Variants in FRMD5 observed in about 807,000 individuals in gnomAD.
FRMD5 encodes the protein FERM domain containing 5.
A neutral mutation model predicts 69.0 loss-of-function variants in FRMD5; 20 were observed. The ratio of observed to expected loss-of-function variants is 0.29; its 90% CI spans 0.20 to 0.42. The LOEUF is 0.42. Ranked by LOEUF, FRMD5 falls within the 10% of genes least tolerant of loss-of-function variation. The pLI, the probability that FRMD5 is intolerant of heterozygous loss-of-function variation, is 1.00. For synonymous variants in FRMD5, 271 were observed against 260.1 expected (o/e 1.04, Z -0.40); for missense variants, 595 against 708.6 (o/e 0.84, Z 1.82).
At chr15:43,965,549 C>T (rs2090279355) in intron 1 of FRMD5, among the ~76,000 whole-genome samples, 1 of 151,604 alleles carries the variant, frequency 6.6e-6, no homozygotes, top group Non-Finnish European at 1.5e-5. Flanking sequence ...CTAAAAGATG[C>T]CATGCAAAAT....
At position 43,872,590 on chromosome 15, in the gene FRMD5, C is replaced by T. The variant is rs1196088185; in HGVS notation, c.*1295G>A. 6.6e-6 allele frequency: 1 copy of T among 152,440 alleles called. No individual in the cohort carries two copies. Among genetic ancestry groups the T allele is most frequent in the Non-Finnish European group, 1.5e-5 (1 of 68,260 alleles). 9.4% of individuals were successfully genotyped at this position (152,440 alleles called of 1,614,324 possible). On this transcript the variant is annotated 3_prime_UTR_variant, in exon 14 of 14. Coordinates refer to ENST00000417257, the MANE Select transcript of FRMD5 (RefSeq NM_032892.5). ...CCCTCTGCAAGGATGGTGATGCTTTCCTAGAACTTATGCAGAGGATGACCC... is the reference window on the plus strand; with the variant it reads ...CCCTCTGCAAGGATGGTGATGCTTTTCTAGAACTTATGCAGAGGATGACCC...
At chr15:43,874,919 G>A (rs934931825) in intron 13 of FRMD5, among the ~76,000 whole-genome samples, 1 of 151,812 alleles carries the variant, frequency 6.6e-6, no homozygotes. Flanking sequence ...AAAGAAAAAG[G>A]CTGGGCGTGG....
chr15:43,948,879 G>T (rs2089985787), intron 1 of FRMD5, among the ~76,000 whole-genome samples: 1 of 152,218 alleles, frequency 6.6e-6, no homozygotes, highest in Non-Finnish European at 1.5e-5. Flanking sequence ...ACCTTGATGG[G>T]TTGCAAATGA....
chr15:44,058,026 A>C (rs1287288612), intron 1 of FRMD5, among the ~76,000 whole-genome samples: 1 of 152,192 alleles, frequency 6.6e-6, no homozygotes, highest in Non-Finnish European at 1.5e-5. Context: ...TTAGCTCTGA[A>C]ACAGGGCCAT....
intron 1 of FRMD5, among the ~76,000 whole-genome samples, chr15:44,016,630 G>A (rs1009624001): frequency 6.6e-6 from 1 of 152,074 alleles, no homozygotes; most frequent in Admixed American, 6.5e-5. Context: ...GGCCAAGGCA[G>A]GAGAATTGCT....
chr15:43,994,296 A>G (rs1889822704), intron 1 of FRMD5, among the ~76,000 whole-genome samples: 1 of 152,204 alleles, frequency 6.6e-6, no homozygotes, highest in Non-Finnish European at 1.5e-5. Flanking sequence ...TCTTATAGTT[A>G]TAACAGGCCA....
chr15:44,013,234 T>C (rs1890804888), intron 1 of FRMD5, among the ~76,000 whole-genome samples: 1 of 152,106 alleles, frequency 6.6e-6, no homozygotes, highest in African/African-American at 2.4e-5. Flanking sequence ...ACAAAAACAT[T>C]TTGAAAAAAT....
intron 1 of FRMD5, among the ~76,000 whole-genome samples, chr15:44,170,626 T>C (rs964995191): frequency 1.3e-5 from 2 of 152,174 alleles, no homozygotes; most frequent in South Asian, 2.1e-4. Flanking sequence ...TATGATCCTA[T>C]AGTCACTCTC....
At chr15:43,982,477 T>C (rs1001324319) in intron 1 of FRMD5, among the ~76,000 whole-genome samples, 1 of 152,200 alleles carries the variant, frequency 6.6e-6, no homozygotes, top group Non-Finnish European at 1.5e-5. Flanking sequence ...GCTATACAGA[T>C]AAAGGCAGTC....
chr15:44,197,995 G>A (rs1224079105), upstream of FRMD5, among the ~76,000 whole-genome samples: 1 of 152,088 alleles, frequency 6.6e-6, no homozygotes, highest in African/African-American at 2.4e-5. Context: ...GTGTTAAGTA[G>A]AATCCTTGCT....
intron 1 of FRMD5, among the ~76,000 whole-genome samples, chr15:44,156,310 ACTG>A (rs1228205933): frequency 6.6e-5 from 10 of 151,892 alleles, no homozygotes; most frequent in Non-Finnish European, 1.0e-4. Flanking sequence ...CGCCCAACCA[ACTG>A]TTGTATTTTT....
intron 13 of FRMD5, among the ~76,000 whole-genome samples, chr15:43,882,504 G>A (rs577622580): frequency 1.3e-5 from 2 of 151,820 alleles, no homozygotes; most frequent in Non-Finnish European, 1.5e-5. Context: ...GATTACAGGC[G>A]TGCATCACCA....
At chr15:44,125,303 T>TTAATAA (rs765089281) in intron 1 of FRMD5, among the ~76,000 whole-genome samples, 1 of 151,544 alleles carries the variant, frequency 6.6e-6, no homozygotes, top group Admixed American at 6.6e-5. Context: ...CCCCCATCTC[T>TTAATAA]TAATAATAAT....
chr15:44,108,462 T>C (rs994562754), intron 1 of FRMD5, among the ~76,000 whole-genome samples: 2 of 151,438 alleles, frequency 1.3e-5, no homozygotes, highest in South Asian at 2.1e-4. Context: ...CTGACCAACA[T>C]AGAGAAACCC....
intron 1 of FRMD5, among the ~76,000 whole-genome samples, chr15:43,970,371 A>G (rs2090356239): frequency 1.3e-5 from 2 of 152,254 alleles, no homozygotes; most frequent in South Asian, 4.1e-4. Flanking sequence ...AAAGCACTGC[A>G]TCAAATGTTT....
rs974708488 is a variant in FRMD5, at chr15:44,195,268, C to G, written c.-214G>C. On this transcript the variant is annotated 5_prime_UTR_variant, in exon 1 of 14. Coordinates refer to ENST00000417257, the MANE Select transcript of FRMD5 (RefSeq NM_032892.5). The stretch of plus-strand genomic sequence containing the variant: ...CCCCCAGCCCAGATCAAGCGCCGGG[C>G]TCTGTCTCCTCGGCGCCCCAGTGCC... 8 of 526,276 alleles carry G rather than the reference C, an allele frequency of 1.5e-5. No homozygotes were observed. The highest frequency in any genetic ancestry group is 7.6e-5 in the Admixed American group (2 of 26,340). The allele number at this position is 526,276 out of a possible 1,614,324, so 32.6% of individuals were successfully genotyped here.
chr15:43,875,804 G>A (rs1198560298), intron 13 of FRMD5: 2 of 209,616 alleles, frequency 9.5e-6, no homozygotes, highest in African/African-American at 9.6e-5. Flanking sequence ...CCTGGGCCTA[G>A]TTTTTTTTTT....
In FRMD5 at chr15:43,883,819, A is replaced by C. The variant is rs778455717; in HGVS notation, c.1029-10T>G. On this transcript the variant is annotated splice_polypyrimidine_tract_variant and intron_variant, in intron 12 of 13. Transcript: ENST00000417257. Reference sequence around the variant, plus strand: ...GGGAACCATCCCTGCTCTGAGGTTAAAGAAAAAGAACCTTGTTAATTCAGT... The same window carrying C: ...GGGAACCATCCCTGCTCTGAGGTTACAGAAAAAGAACCTTGTTAATTCAGT... 5.6e-6 allele frequency: 9 copies of C among 1,605,414 alleles called. No homozygotes were observed. In the Admixed American group the frequency reaches 8.3e-5, roughly 15 times the overall value.
At chr15:44,029,328 A>AG (rs915308895) in intron 1 of FRMD5, among the ~76,000 whole-genome samples, 1 of 151,820 alleles carries the variant, frequency 6.6e-6, no homozygotes, top group African/African-American at 2.4e-5. Flanking sequence ...CAAGGAAAAA[A>AG]AAAAACCAGA....
Sources: gnomAD v4.1 joint callset for allele counts (sites outside exome capture counted in the v4.1 genomes callset) on GRCh38, gnomAD v4.1.1 for gene constraint, MANE v1.5 for transcripts, NCBI Gene and HGNC (gene_info 2026-07-23, HGNC 2026-07-21) for gene names.